The following ZHX2 variants were observed in gnomAD, a reference collection of about 807,000 sequenced individuals.
ZHX2 encodes the protein zinc fingers and homeoboxes protein 2.
Under a neutral mutation model 21.9 loss-of-function variants are expected in ZHX2, and 6 were observed. That is an observed-to-expected ratio of 0.27 (90% CI 0.15 to 0.54). The LOEUF is 0.54. Ranked by LOEUF, ZHX2 falls within the 20% of genes least tolerant of loss-of-function variation. ZHX2 has a pLI of 0.95. For missense variants in ZHX2, 908 were observed against 1,090.7 expected (o/e 0.83, Z 2.36); for synonymous variants, 434 against 437.1 (o/e 0.99, Z 0.09).
At chr8:122,824,301 A>G (rs945072234) in intron 1 of ZHX2, among the ~76,000 whole-genome samples, 3 of 152,204 alleles carry the variant, frequency 2.0e-5, no homozygotes, top group African/African-American at 7.2e-5. Flanking sequence ...TCTCAGCTCC[A>G]TGAGGACAGA....
intron 1 of ZHX2, among the ~76,000 whole-genome samples, chr8:122,800,529 T>G (rs1032878132): frequency 1.3e-5 from 2 of 152,158 alleles, no homozygotes; most frequent in East Asian, 3.9e-4. Context: ...TCAATAAATA[T>G]CTGTGGAATT....
chr8:122,877,517 G>C (rs981464036), intron 2 of ZHX2, among the ~76,000 whole-genome samples: 2 of 152,154 alleles, frequency 1.3e-5, no homozygotes, highest in Non-Finnish European at 2.9e-5. Flanking sequence ...GGAAACTGAG[G>C]CTCTGTGGGT....
At chr8:122,826,101 T>C (rs1733928553) in intron 1 of ZHX2, among the ~76,000 whole-genome samples, 2 of 152,234 alleles carry the variant, frequency 1.3e-5, no homozygotes, top group African/African-American at 2.4e-5. Context: ...GCATCAGCCC[T>C]ATTTTCTTCA....
In ZHX2 at chr8:122,953,502, G is replaced by T; in HGVS notation, c.1992G>T (p.Lys664Asn). The change falls in exon 3 of 4, where the codon AAG becomes AAT. Residue 664 changes from lysine to asparagine, a missense_variant. By Grantham distance (94) the Lys-to-Asn change is moderately conservative. Around this residue, in one of 4 missense-constraint regions of ZHX2, gnomAD observed 431 missense variants for 428.6 expected, o/e 1.01. Transcript: ENST00000314393. The surrounding 1 kb of genome is among the most constrained non-coding windows in gnomAD (Gnocchi z 4.6). ...TPQEYDQLAA[K>N]TGLVRTEIVR... The stretch of plus-strand genomic sequence containing the variant: ...AGGAGTACGACCAGTTAGCGGCCAA[G>T]ACTGGCCTGGTCCGAACTGAGATTG... The T allele has an allele frequency of 6.2e-7, 1 of 1,614,250 alleles. No individual in the cohort carries two copies. The highest frequency in any genetic ancestry group is 1.7e-5 in the Admixed American group (1 of 60,028).
chr8:122,921,258 A>G (rs1350027223), intron 2 of ZHX2, among the ~76,000 whole-genome samples: 2 of 151,792 alleles, frequency 1.3e-5, no homozygotes, highest in African/African-American at 4.8e-5. Flanking sequence ...ATTTTTTTGT[A>G]TTTTTAGTAG....
At chr8:122,920,111 T>C (rs1034383422) in intron 2 of ZHX2, among the ~76,000 whole-genome samples, 1 of 152,138 alleles carries the variant, frequency 6.6e-6, no homozygotes, top group African/African-American at 2.4e-5. Flanking sequence ...CCGTCTCTAC[T>C]AAAACTACAA....
chr8:122,859,248 A>C (rs1033917733), intron 1 of ZHX2, among the ~76,000 whole-genome samples: 1 of 152,138 alleles, frequency 6.6e-6, no homozygotes, highest in African/African-American at 2.4e-5. Flanking sequence ...TTCAAGGATA[A>C]ATGGAGAAAA....
chr8:122,825,847 G>T (rs570897624), intron 1 of ZHX2, among the ~76,000 whole-genome samples: 77 of 152,218 alleles, frequency 5.1e-4, no homozygotes, highest in African/African-American at 1.8e-3. Context: ...CAACCCCTTT[G>T]GACCTAAATT....
chr8:122,853,397 C>T (rs1818949681), intron 1 of ZHX2, among the ~76,000 whole-genome samples: 1 of 152,210 alleles, frequency 6.6e-6, no homozygotes, highest in Non-Finnish European at 1.5e-5. Context: ...CACATGCAGA[C>T]ATCACATAGC....
intron 1 of ZHX2, among the ~76,000 whole-genome samples, chr8:122,848,690 A>G (rs914752410): frequency 2.4e-4 from 36 of 152,150 alleles, no homozygotes; most frequent in African/African-American, 7.5e-4. Context: ...TTCATCCAGT[A>G]AAATATTTTC....
chr8:122,877,651 C>T (rs1428383272), intron 2 of ZHX2, among the ~76,000 whole-genome samples: 1 of 152,154 alleles, frequency 6.6e-6, no homozygotes, highest in Non-Finnish European at 1.5e-5. Flanking sequence ...TGGTGGTACT[C>T]CAGGAACACG....
intron 2 of ZHX2, among the ~76,000 whole-genome samples, chr8:122,943,401 T>A (rs1169750722): frequency 6.6e-6 from 1 of 152,262 alleles, no homozygotes; most frequent in Non-Finnish European, 1.5e-5. Flanking sequence ...CCAGGCTGTG[T>A]GACCTTGACC....
intron 1 of ZHX2, among the ~76,000 whole-genome samples, chr8:122,794,397 C>T (rs1817581557): frequency 6.6e-6 from 1 of 151,988 alleles, no homozygotes; most frequent in Admixed American, 6.6e-5. Context: ...CAAATTTGTT[C>T]ATGTTTCACT....
At chr8:122,807,887 T>G (rs547896045) in intron 1 of ZHX2, 1 of 152,362 alleles carries the variant, frequency 6.6e-6, no homozygotes, top group South Asian at 2.1e-4. Context: ...ACTGCTGTGC[T>G]TACTCCCTCT....
chr8:122,839,947 T>A (rs566580934), intron 1 of ZHX2, among the ~76,000 whole-genome samples: 1 of 152,194 alleles, frequency 6.6e-6, no homozygotes, highest in African/African-American at 2.4e-5. Flanking sequence ...TGCCTGAAGG[T>A]TGAGAAATAT....
chr8:122,868,819 C>T (rs1277468969), intron 2 of ZHX2, among the ~76,000 whole-genome samples: 4 of 151,948 alleles, frequency 2.6e-5, no homozygotes, highest in African/African-American at 9.7e-5. Context: ...ACGATCACAC[C>T]ACTGCACTTC....
chr8:122,939,996 C>T (rs751008467), intron 2 of ZHX2, among the ~76,000 whole-genome samples: 15 of 152,160 alleles, frequency 9.9e-5, no homozygotes, highest in African/African-American at 2.7e-4. Flanking sequence ...GGTCCTCATT[C>T]GGGCCAGTTC....
At chr8:122,895,613 G>A (rs1223692060) in intron 2 of ZHX2, among the ~76,000 whole-genome samples, 2 of 152,072 alleles carry the variant, frequency 1.3e-5, no homozygotes, top group African/African-American at 4.8e-5. Flanking sequence ...TGTCATGGAA[G>A]TGGACCAGAT....
intron 2 of ZHX2, among the ~76,000 whole-genome samples, chr8:122,916,754 A>T (rs557179949): frequency 6.6e-6 from 1 of 152,084 alleles, no homozygotes; most frequent in Non-Finnish European, 1.5e-5. Flanking sequence ...CCTATCGTTT[A>T]ACCTTTTCTT....
Sources: gnomAD v4.1 joint callset for allele counts (sites outside exome capture counted in the v4.1 genomes callset) on GRCh38, gnomAD v4.1.1 for gene constraint, gnomAD v4.1.1 regional missense constraint, Gnocchi (gnomAD v3.1) non-coding constraint, MANE v1.5 for transcripts, NCBI Gene and HGNC (gene_info 2026-07-23, HGNC 2026-07-21) for gene names.